The following TUT7 variants were observed in gnomAD, a reference collection of about 807,000 sequenced individuals.
TUT7 encodes the protein terminal uridylyl transferase 7.
TUT7 carries 33 observed loss-of-function variants against 165.9 expected under a neutral mutation model. The ratio of observed to expected loss-of-function variants is 0.20; its 90% confidence interval spans 0.15 to 0.27. The LOEUF is 0.27. Among genes scored for constraint, TUT7 ranks in the 10% least tolerant of loss-of-function variants. The pLI is 1.00. For missense variants in TUT7, 1,338 were observed against 1,762.3 expected, an observed-to-expected ratio of 0.76 and a Z score of 4.31; for synonymous variants, 552 against 608.1, an observed-to-expected ratio of 0.91 and a Z score of 1.36.
At chr9:86,326,509 GA>G (rs746139815) in intron 11 of TUT7, 1 of 154,810 alleles carries the variant, frequency 6.5e-6, no homozygotes, top group Non-Finnish European at 1.5e-5. Context: ...ACAGGATAGT[GA>G]TGAGGATTAA....
At chr9:86,336,153 G>C (rs1475053181) in intron 10 of TUT7, among the ~76,000 whole-genome samples, 1 of 152,160 alleles carries the variant, frequency 6.6e-6, no homozygotes, top group Admixed American at 6.5e-5. Context: ...TATCCAACTT[G>C]TGCCAGGGTT....
intron 2 of TUT7, chr9:86,352,438 G>A (rs868338875): frequency 8.6e-6 from 5 of 582,016 alleles, no homozygotes; most frequent in Non-Finnish European, 1.5e-5. Flanking sequence ...CATGTTTACT[G>A]ACGTAAAGTG....
intron 10 of TUT7, among the ~76,000 whole-genome samples, chr9:86,336,101 A>G (rs1229552251): frequency 6.6e-6 from 1 of 152,162 alleles, no homozygotes; most frequent in South Asian, 2.1e-4. Context: ...ACACATGAAA[A>G]AGCAGATCTC....
chr9:86,289,784 G>A (rs943058023), intron 26 of TUT7, among the ~76,000 whole-genome samples: 13 of 152,104 alleles, frequency 8.5e-5, no homozygotes, highest in Middle Eastern at 3.4e-3. Flanking sequence ...ATCAATTTTT[G>A]GTTGCCAAAT....
intron 10 of TUT7, among the ~76,000 whole-genome samples, chr9:86,330,687 G>C (rs145775172): frequency 9.5e-4 from 144 of 152,214 alleles, no homozygotes; most frequent in Admixed American, 1.8e-3. Flanking sequence ...TTGTCTTCTA[G>C]GAGTTTCAGA....
In TUT7 at chr9:86,304,964, G is replaced by A. The variant is rs1332922985; in HGVS notation, c.3887-17C>T. On this transcript the variant is annotated splice_polypyrimidine_tract_variant and intron_variant, in intron 23 of 26. Transcript: ENST00000375963. ...AATTTGTCACTAAAAAGAAGAGTAA[G>A]AACTCACTTAGGCGGGTTAAAAGGA... 3.2e-6 allele frequency: 5 copies of A among 1,546,058 alleles called. No homozygotes were observed. The African/African-American group carries it at 5.5e-5, about 17-fold the overall frequency.
Position 86,309,303 on chromosome 9 carries a change from T to A in TUT7, c.3583-14A>T. 1.3e-6 allele frequency: 2 copies of A among 1,510,952 alleles called. No individual in the cohort carries two copies. Among genetic ancestry groups the A allele is most frequent in the Non-Finnish European group, 1.8e-6 (2 of 1,096,672 alleles). The allele number at this position is 1,510,952 out of a possible 1,614,324, so 93.6% of individuals were successfully genotyped here. On this transcript the variant is annotated splice_polypyrimidine_tract_variant and intron_variant, in intron 20 of 26. Transcript: ENST00000375963. ...ACCTTTGTATATCTGAAATTAATTT[T>A]TAAACTATTAGTATGGATTACAAAC...
intron 10 of TUT7, among the ~76,000 whole-genome samples, chr9:86,331,470 T>C (rs1287591305): frequency 6.6e-6 from 1 of 152,224 alleles, no homozygotes; most frequent in East Asian, 1.9e-4. Flanking sequence ...CCTTGTCTGA[T>C]GGTAGAATAT....
intron 26 of TUT7, among the ~76,000 whole-genome samples, chr9:86,291,646 C>T (rs537558732): frequency 6.6e-6 from 1 of 151,470 alleles, no homozygotes; most frequent in African/African-American, 2.4e-5. Flanking sequence ...GAGAACAACA[C>T]CAAAGTAGTT....
chr9:86,337,411 T>C lies in TUT7; in HGVS notation c.1455+8A>G. On this transcript the variant is annotated splice_region_variant and intron_variant, in intron 10 of 26. Coordinates refer to ENST00000375963, the MANE Select transcript of TUT7 (RefSeq NM_024617.4). ...TTCAGATATATAAGCAAAAAAAATG[T>C]TTTATACCCATGATCCTAGATATAC... 6.3e-7 allele frequency: 1 copy of C among 1,599,482 alleles called. No individual in the cohort carries two copies.
chr9:86,343,932 C>CT (rs1370585114), intron 5 of TUT7, among the ~76,000 whole-genome samples: 1 of 152,066 alleles, frequency 6.6e-6, no homozygotes, highest in Non-Finnish European at 1.5e-5. Context: ...CAAGTGATTT[C>CT]TTTGGGTTTT....
intron 24 of TUT7, among the ~76,000 whole-genome samples, chr9:86,304,108 G>A (rs543496991): frequency 4.7e-5 from 7 of 150,398 alleles, no homozygotes; most frequent in Admixed American, 6.6e-5. Flanking sequence ...ATAACTAAGA[G>A]TAAATCTCAA....
chr9:86,332,617 GATAAA>G (rs1830423599), intron 10 of TUT7, among the ~76,000 whole-genome samples: 1 of 152,120 alleles, frequency 6.6e-6, no homozygotes, highest in Non-Finnish European at 1.5e-5. Flanking sequence ...GTACCTGGGT[GATAAA>G]ATAATCTGTC....
chr9:86,316,549 C>G (rs1376102283), intron 17 of TUT7, among the ~76,000 whole-genome samples: 1 of 152,228 alleles, frequency 6.6e-6, no homozygotes, highest in East Asian at 1.9e-4. Flanking sequence ...CTTGACACTT[C>G]ACACAATTAG....
chr9:86,319,834 G>C (rs1339964838), intron 14 of TUT7, among the ~76,000 whole-genome samples, 164 bp from the exon 15 acceptor site: 1 of 151,956 alleles, frequency 6.6e-6, no homozygotes, highest in Non-Finnish European at 1.5e-5. Flanking sequence ...GGTAAAGTTT[G>C]TTTTTTATTT....
chr9:86,353,617 C>A (rs1832488778), intron 1 of TUT7, among the ~76,000 whole-genome samples: 1 of 152,056 alleles, frequency 6.6e-6, no homozygotes. Context: ...ACTAAACTAC[C>A]GAAACAGTCT....
At chr9:86,340,302 C>T (rs576029551) in intron 7 of TUT7, among the ~76,000 whole-genome samples, 197 bp from the exon 8 acceptor site, 3 of 152,134 alleles carry the variant, frequency 2.0e-5, no homozygotes, top group African/African-American at 7.2e-5. Flanking sequence ...AGTGTAAAAC[C>T]CTTAGTTTGT....
In TUT7 at chr9:86,319,565, TA is replaced by T; in HGVS notation, c.3115+18del. 6.5e-7 allele frequency: 1 copy of T among 1,543,304 alleles called. No individual in the cohort carries two copies. The highest frequency in any genetic ancestry group is 8.8e-7 in the Non-Finnish European group (1 of 1,135,550). ...AAGGTTACACTACTTTTCTTAAAAA[TA>T]AAAAATAAATCATTTACCTGGAAAG... is the stretch of plus-strand genomic sequence containing the variant. On this transcript the variant is annotated intron_variant, in intron 15 of 26. Coordinates refer to ENST00000375963, the MANE Select transcript of TUT7 (RefSeq NM_024617.4).
intron 2 of TUT7, among the ~76,000 whole-genome samples, chr9:86,348,297 A>G (rs1831952219): frequency 6.6e-6 from 1 of 152,226 alleles, no homozygotes; most frequent in South Asian, 2.1e-4. Context: ...TTATTATGCA[A>G]CAGATGTAAA....
Sources: gnomAD v4.1 joint callset for allele counts (sites outside exome capture counted in the v4.1 genomes callset) on GRCh38, gnomAD v4.1.1 for gene constraint, MANE v1.5 for transcripts, NCBI Gene and HGNC (gene_info 2026-07-23, HGNC 2026-07-21) for gene names.